Variants in B3GALT5 observed in about 807,000 individuals in gnomAD.
B3GALT5 encodes beta-1,3-galactosyltransferase 5, also known as UDP-Gal:betaGlcNAc beta 1,3-galactosyltransferase, polypeptide 5.
For missense variants in B3GALT5, 328 were observed against 396.6 expected (o/e 0.83, Z 1.47); for synonymous variants, 156 against 158.6 (o/e 0.98, Z 0.12).
intron 1 of B3GALT5, among the ~76,000 whole-genome samples, chr21:39,631,616 G>C (rs1012712247): frequency 6.6e-6 from 1 of 152,132 alleles, no homozygotes; most frequent in Non-Finnish European, 1.5e-5. Flanking sequence ...ACTCACTTTA[G>C]GAAGCTGATA....
intron 1 of B3GALT5, among the ~76,000 whole-genome samples, chr21:39,634,282 T>G (rs1602265996): frequency 6.6e-6 from 1 of 151,950 alleles, no homozygotes; most frequent in Admixed American, 6.6e-5. Context: ...AGGAATGGGG[T>G]GTGTGTTTTT....
chr21:39,622,233 A>G (rs2079137826), intron 1 of B3GALT5, among the ~76,000 whole-genome samples: 2 of 152,116 alleles, frequency 1.3e-5, no homozygotes, highest in Admixed American at 6.6e-5. Context: ...TATGTGTGCA[A>G]TTGAAAAGAA....
In B3GALT5 at chr21:39,666,006, G is replaced by C. The variant is rs1022292761; in HGVS notation, c.*4514G>C. On this transcript the variant is annotated 3_prime_UTR_variant, in exon 4 of 4. Transcript: ENST00000684187. ...TTGTTGAGTGGAACTGAATGTATTG[G>C]TATGGTAGGTGGGTTTTAGAAGGGA... 2.0e-5 allele frequency: 3 copies of C among 152,116 alleles called. No homozygotes were observed. Among genetic ancestry groups the C allele is most frequent in the African/African-American group, 7.2e-5 (3 of 41,400 alleles). The allele number at this position is 152,116 out of a possible 1,614,324, so 9.4% of individuals were successfully genotyped here.
chr21:39,670,705 A>G lies in B3GALT5; in HGVS notation c.*9213A>G, dbSNP rs2079619883. ...AAGAACTGAGGAGGCAATACTATTTAGAATCCTTGATAAACAGTTCCAAAA... is the reference window on the plus strand; with the variant it reads ...AAGAACTGAGGAGGCAATACTATTTGGAATCCTTGATAAACAGTTCCAAAA... On this transcript the variant is annotated 3_prime_UTR_variant, in exon 4 of 4. Coordinates refer to ENST00000684187, the MANE Select transcript of B3GALT5 (RefSeq NM_001356336.2). 1 of 152,100 alleles carries G rather than the reference A, an allele frequency of 6.6e-6. No homozygotes were observed. Among genetic ancestry groups the G allele is most frequent in the Non-Finnish European group, 1.5e-5 (1 of 68,004 alleles). 9.4% of individuals were successfully genotyped at this position (152,100 alleles called of 1,614,324 possible).
intron 2 of B3GALT5, among the ~76,000 whole-genome samples, chr21:39,648,735 G>A (rs960253072): frequency 7.2e-5 from 11 of 152,206 alleles, no homozygotes; most frequent in Non-Finnish European, 1.2e-4. Flanking sequence ...TGTGTTGAAG[G>A]CCTCACCCCC....
At chr21:39,624,978 A>C (rs1382249145) in intron 1 of B3GALT5, among the ~76,000 whole-genome samples, 3 of 152,170 alleles carry the variant, frequency 2.0e-5, no homozygotes, top group East Asian at 1.9e-4. Context: ...ACCAAACTAC[A>C]TGGAAAATGA....
chr21:39,639,355 C>CTTTCTTTTT (rs1569212210), intron 1 of B3GALT5, among the ~76,000 whole-genome samples: 85 of 79,488 alleles, frequency 1.1e-3, no homozygotes, highest in African/African-American at 1.5e-3. Flanking sequence ...TCTTTCCTTC[C>CTTTCTTTTT]TTCCTTCCTT....
intron 1 of B3GALT5, among the ~76,000 whole-genome samples, chr21:39,627,494 G>T (rs1241212473): frequency 1.3e-5 from 2 of 152,160 alleles, no homozygotes; most frequent in Non-Finnish European, 2.9e-5. Flanking sequence ...TGTTAACAAG[G>T]TGCCACTGTT....
intron 2 of B3GALT5, among the ~76,000 whole-genome samples, chr21:39,650,907 C>T (rs2079388987): frequency 6.6e-6 from 1 of 151,822 alleles, no homozygotes; most frequent in Non-Finnish European, 1.5e-5. Context: ...ACTTCTTCCA[C>T]CCCAGCGCCA....
intron 1 of B3GALT5, among the ~76,000 whole-genome samples, chr21:39,625,556 A>G (rs923997776): frequency 6.6e-6 from 1 of 152,238 alleles, no homozygotes; most frequent in Non-Finnish European, 1.5e-5. Flanking sequence ...AAATTTGGGT[A>G]ATCTTGCCTG....
intron 1 of B3GALT5, among the ~76,000 whole-genome samples, chr21:39,639,294 C>CT (rs1569211977): frequency 1.8e-5 from 1 of 54,352 alleles, no homozygotes; most frequent in African/African-American, 7.9e-5. Context: ...CTGGCTCTTT[C>CT]TTTCTTTCTT....
At chr21:39,634,446 AGTCCACTTTT>A (rs1355744423) in intron 1 of B3GALT5, among the ~76,000 whole-genome samples, 1 of 152,186 alleles carries the variant, frequency 6.6e-6, no homozygotes, top group Non-Finnish European at 1.5e-5. Context: ...TCTGGCATTC[AGTCCACTTTT>A]GTGGCCATCG....
chr21:39,641,292 C>G (rs1057117932), intron 1 of B3GALT5, among the ~76,000 whole-genome samples: 1 of 152,088 alleles, frequency 6.6e-6, no homozygotes, highest in Non-Finnish European at 1.5e-5. Flanking sequence ...GTGTTTATGC[C>G]TGGGATTTCC....
chr21:39,653,764 C>A (rs964856275), intron 2 of B3GALT5, among the ~76,000 whole-genome samples: 1 of 152,230 alleles, frequency 6.6e-6, no homozygotes. Flanking sequence ...GGGTCTAGAT[C>A]TCAGCCCTGG....
intron 1 of B3GALT5, among the ~76,000 whole-genome samples, chr21:39,613,462 G>C (rs892119733): frequency 2.0e-5 from 3 of 152,196 alleles, no homozygotes; most frequent in African/African-American, 7.2e-5. Context: ...GCACCCTGCG[G>C]CAGGCAGCTT....
At chr21:39,617,121 A>G (rs947611360) in intron 1 of B3GALT5, among the ~76,000 whole-genome samples, 2 of 152,222 alleles carry the variant, frequency 1.3e-5, no homozygotes, top group East Asian at 1.9e-4. Context: ...CCTTCTCACT[A>G]TCCTGAATTA....
intron 1 of B3GALT5, among the ~76,000 whole-genome samples, chr21:39,637,397 C>T (rs964118682): frequency 5.9e-5 from 9 of 152,346 alleles, no homozygotes; most frequent in East Asian, 5.8e-4. Context: ...CCATCAGGTA[C>T]GAGGTAACAC....
At chr21:39,633,396 TG>T (rs2079205082) in intron 1 of B3GALT5, among the ~76,000 whole-genome samples, 2 of 152,238 alleles carry the variant, frequency 1.3e-5, no homozygotes, top group Admixed American at 1.3e-4. Flanking sequence ...ATGTACAAGA[TG>T]GTTAACAGAA....
intron 1 of B3GALT5, among the ~76,000 whole-genome samples, chr21:39,617,486 G>C (rs755465482): frequency 6.6e-6 from 1 of 152,180 alleles, no homozygotes; most frequent in African/African-American, 2.4e-5. Context: ...ACATGTGAGC[G>C]TGTGGGAAAA....
Sources: allele counts gnomAD v4.1 joint callset (sites outside exome capture counted in the v4.1 genomes callset), GRCh38; gene constraint gnomAD v4.1.1; transcripts MANE v1.5; gene names NCBI Gene and HGNC (gene_info 2026-07-23, HGNC 2026-07-21).